AK7: variants seen among roughly 807,000 people sequenced by gnomAD.
AK7 encodes adenylate kinase 7.
AK7 carries 78 observed loss-of-function variants against 96.6 expected under a neutral mutation model. That is an observed-to-expected ratio of 0.81 (90% CI 0.67 to 0.97). The LOEUF (loss-of-function observed/expected upper bound fraction) is 0.97. Among genes scored for constraint, AK7 ranks in the 50% least tolerant of loss-of-function variants. AK7 has a pLI of 0.00. For synonymous variants in AK7, 302 were observed against 317.2 expected (o/e 0.95, Z 0.51); for missense variants, 855 against 887.9 (o/e 0.96, Z 0.47).
In AK7 at chr14:96,449,868, A is replaced by G; in HGVS notation, c.937A>G (p.Lys313Glu). 1.2e-6 allele frequency: 2 copies of G among 1,606,106 alleles called. No homozygotes were observed. The highest frequency in any genetic ancestry group is 1.7e-6 in the Non-Finnish European group (2 of 1,175,186). Reference sequence around the variant, plus strand: ...ACCCAGAGAAAATGCATACCTAACCAAGGACTTAACGGTTAGTATATGCGG... The same window carrying G: ...ACCCAGAGAAAATGCATACCTAACCGAGGACTTAACGGTTAGTATATGCGG... Reference protein sequence around the residue: ...KIPRENAYLTKDLTQDCLDHL... With the variant: ...KIPRENAYLTEDLTQDCLDHL... The change falls in exon 9 of 18, where the codon AAG becomes GAG. Residue 313 changes from lysine (K) to glutamate (E), a missense_variant. Coordinates refer to ENST00000267584, the MANE Select transcript of AK7 (RefSeq NM_152327.5).
intron 14 of AK7, among the ~76,000 whole-genome samples, chr14:96,476,885 C>G (rs1044661208): frequency 1.3e-5 from 2 of 152,178 alleles, no homozygotes; most frequent in Admixed American, 1.3e-4. Flanking sequence ...TAACATAGTT[C>G]ATACATTTTC....
At chr14:96,424,933 A>G (rs1186225552) in intron 5 of AK7, among the ~76,000 whole-genome samples, 1 of 152,250 alleles carries the variant, frequency 6.6e-6, no homozygotes, top group Non-Finnish European at 1.5e-5. Context: ...ACAGTCTAAA[A>G]TGAGAAATAT....
At position 96,437,064 on chromosome 14, in the gene AK7, G is replaced by A. The variant is rs1441762149; in HGVS notation, c.610-771G>A. On this transcript the variant is annotated intron_variant, in intron 5 of 17. Transcript: ENST00000267584. ...AGGCAGAGAGTAGAGGCTGAGAAGGGTAGTAGGGGGTGGGGGGAGGGAGGG... is the reference window on the plus strand; with the variant it reads ...AGGCAGAGAGTAGAGGCTGAGAAGGATAGTAGGGGGTGGGGGGAGGGAGGG... Among the ~76,000 whole-genome samples, 4 of 119,202 alleles carry A rather than the reference G, an allele frequency of 3.4e-5. No individual in the cohort carries two copies. In the East Asian group the frequency reaches 8.8e-4, roughly 26 times the overall value. 78.2% of individuals were successfully genotyped at this position (119,202 alleles called of 152,430 possible).
At chr14:96,411,962 C>T (rs1365909202) in intron 4 of AK7, among the ~76,000 whole-genome samples, 5 of 152,214 alleles carry the variant, frequency 3.3e-5, no homozygotes, top group Non-Finnish European at 7.3e-5. Flanking sequence ...TCAGTAAATT[C>T]TCCTACTTTC....
chr14:96,430,894 G>A (rs112392587), intron 5 of AK7, among the ~76,000 whole-genome samples: 3,886 of 152,202 alleles, frequency 0.026, 62 homozygotes, highest in Non-Finnish European at 0.031. Context: ...CTGTGAATCC[G>A]TCTGGTCCTG....
rs1411578521 is a variant in AK7 at position 96,486,530 on chromosome 14, A to T, written c.1975-368A>T. Among the ~76,000 whole-genome samples the T allele has an allele frequency of 5.9e-5, 9 of 152,200 alleles. No individual in the cohort carries two copies. In the East Asian group the frequency reaches 1.7e-3, roughly 29 times the overall value. ...ACTAGGCTGAGAAGGGAGATTTCTC[A>T]AAAGAAATTTGGAATTATGATTCCC... On this transcript the variant is annotated intron_variant, in intron 16 of 17. Transcript: ENST00000267584.
At chr14:96,404,904 T>C (rs1890621487) in intron 3 of AK7, 39 bp downstream of exon 3, 2 of 1,451,384 alleles carry the variant, frequency 1.4e-6, no homozygotes, top group Admixed American at 1.7e-5. Flanking sequence ...GGGATGCTAT[T>C]GTAGTGCTGC....
At position 96,392,277 on chromosome 14, in the gene AK7, C is replaced by T. The variant is rs1429273893; in HGVS notation, c.105+18C>T. The T allele has an allele frequency of 1.3e-6, 2 of 1,592,986 alleles. No individual in the cohort carries two copies. The highest frequency in any genetic ancestry group is 1.7e-6 in the Non-Finnish European group (2 of 1,161,578). ...TCGGGAAGGTGAGCGGCGGCGGCGG[C>T]CCAGAGCCTCACGCCAGCTCTCAGC... On this transcript the variant is annotated intron_variant, in intron 1 of 17. Coordinates refer to ENST00000267584, the MANE Select transcript of AK7 (RefSeq NM_152327.5).
chr14:96,462,084 C>G (rs1291172987), intron 12 of AK7, among the ~76,000 whole-genome samples: 1 of 152,134 alleles, frequency 6.6e-6, no homozygotes, highest in Non-Finnish European at 1.5e-5. Context: ...GAGGGCCTGT[C>G]CTCTCACTCT....
At chr14:96,424,028 A>G (rs974850011) in intron 5 of AK7, 15 of 758,026 alleles carry the variant, frequency 2.0e-5, no homozygotes, top group Non-Finnish European at 3.6e-5. Flanking sequence ...ACCCAGGTGT[A>G]GAGTTTCCCT....
intron 2 of AK7, among the ~76,000 whole-genome samples, chr14:96,403,270 C>G (rs1452220240): frequency 6.6e-6 from 1 of 151,786 alleles, no homozygotes; most frequent in Non-Finnish European, 1.5e-5. Context: ...AGGTGGAGAT[C>G]AGGGTGATGC....
At chr14:96,453,129 A>G (rs1272430782) in intron 10 of AK7, among the ~76,000 whole-genome samples, 4 of 152,188 alleles carry the variant, frequency 2.6e-5, no homozygotes, top group Non-Finnish European at 5.9e-5. Flanking sequence ...AAACATGTCT[A>G]GTTAAGAATA....
chr14:96,460,884 G>A (rs1894215730), intron 12 of AK7, among the ~76,000 whole-genome samples: 1 of 152,168 alleles, frequency 6.6e-6, no homozygotes, highest in Non-Finnish European at 1.5e-5. Flanking sequence ...CTGAAGGCCA[G>A]GTTAGCCCTG....
At chr14:96,466,278 C>T (rs2140144219) in intron 12 of AK7, among the ~76,000 whole-genome samples, 1 of 151,964 alleles carries the variant, frequency 6.6e-6, no homozygotes, top group South Asian at 2.1e-4. Context: ...GCTCTGTCAC[C>T]CAGGCTGGAG....
intron 14 of AK7, 55 bp from the exon 15 acceptor site, chr14:96,478,410 C>T: frequency 6.3e-7 from 1 of 1,586,076 alleles, no homozygotes; most frequent in South Asian, 1.1e-5. Flanking sequence ...CTCCAGCACC[C>T]TGCTAGTTAG....
intron 5 of AK7, chr14:96,421,348 A>T (rs1029949703): frequency 6.4e-6 from 1 of 157,424 alleles, no homozygotes; most frequent in African/African-American, 2.4e-5. Flanking sequence ...CCAAGGTCAC[A>T]TAACTAGGAT....
chr14:96,399,935 C>T lies in AK7; in HGVS notation c.294+1672C>T, dbSNP rs538503036. 1.1e-4 allele frequency among the ~76,000 whole-genome samples: 17 copies of T among 152,106 alleles called. No homozygotes were observed. The highest frequency in any genetic ancestry group is 4.1e-4 in the South Asian group (2 of 4,826). On this transcript the variant is annotated intron_variant, in intron 2 of 17. Coordinates refer to ENST00000267584, the MANE Select transcript of AK7 (RefSeq NM_152327.5). The surrounding 1 kb of genome is among the most constrained non-coding windows in gnomAD (Gnocchi z 4.1). ...TTTGCCTGTCTGCAGCCTCCAAATC[C>T]GACTGCCTCCTAGACCAGTCCCCGG...
chr14:96,472,528 T>A (rs1894955126), intron 13 of AK7, among the ~76,000 whole-genome samples, 159 bp from the exon 14 acceptor site: 1 of 152,224 alleles, frequency 6.6e-6, no homozygotes, highest in African/African-American at 2.4e-5. Context: ...CATGCATCTA[T>A]CAATGTACAT....
chr14:96,471,254 C>A (rs1232663547), intron 12 of AK7, among the ~76,000 whole-genome samples: 1 of 150,212 alleles, frequency 6.7e-6, no homozygotes, highest in Admixed American at 6.7e-5. Context: ...ATTGCAGAGC[C>A]TGGGAGGCTG....
Sources: gnomAD v4.1 joint callset for allele counts (sites outside exome capture counted in the v4.1 genomes callset) on GRCh38, gnomAD v4.1.1 for gene constraint, Gnocchi (gnomAD v3.1) non-coding constraint, MANE v1.5 for transcripts, NCBI Gene and HGNC (gene_info 2026-07-23, HGNC 2026-07-21) for gene names.